The following STK39 variants were observed in gnomAD, a reference collection of about 807,000 sequenced individuals.
STK39 encodes the protein serine/threonine kinase 39.
STK39 carries 20 observed loss-of-function variants against 77.8 expected under a neutral mutation model. The ratio of observed to expected loss-of-function variants is 0.26; its 90% CI spans 0.18 to 0.37. STK39 has a LOEUF of 0.37. Ranked by LOEUF, STK39 falls within the 10% of genes least tolerant of loss-of-function variation. The pLI is 1.00. For missense variants in STK39, 479 were observed against 656.5 expected (o/e 0.73, Z 2.95); for synonymous variants, 246 against 234.1 (o/e 1.05, Z -0.47).
At chr2:168,033,335 A>G (rs1419976289) in intron 14 of STK39, among the ~76,000 whole-genome samples, 1 of 152,182 alleles carries the variant, frequency 6.6e-6, no homozygotes. Context: ...ATATCGCATT[A>G]GGACAAAATC....
At chr2:168,158,672 T>C (rs1688495826) in intron 5 of STK39, among the ~76,000 whole-genome samples, 1 of 152,214 alleles carries the variant, frequency 6.6e-6, no homozygotes, top group African/African-American at 2.4e-5. Flanking sequence ...ACACCGCTTA[T>C]TCTACGTGTG....
intron 16 of STK39, among the ~76,000 whole-genome samples, chr2:167,972,324 T>C (rs1354986330): frequency 6.6e-6 from 1 of 152,262 alleles, no homozygotes; most frequent in East Asian, 1.9e-4. Flanking sequence ...ATCTGGTGTA[T>C]TTTGTGTGTC....
intron 1 of STK39, among the ~76,000 whole-genome samples, chr2:168,228,086 A>G (rs1427167703): frequency 6.6e-6 from 1 of 152,244 alleles, no homozygotes; most frequent in South Asian, 2.1e-4. Context: ...AGACATTAAG[A>G]GTAGATTGTA....
chr2:168,212,220 GT>G (rs1283235794), intron 1 of STK39, among the ~76,000 whole-genome samples: 2 of 152,190 alleles, frequency 1.3e-5, no homozygotes, highest in African/African-American at 2.4e-5. Context: ...TGAATACCTT[GT>G]GCTTAACAAA....
At chr2:168,049,085 G>A (rs1036195264) in intron 14 of STK39, among the ~76,000 whole-genome samples, 3 of 152,172 alleles carry the variant, frequency 2.0e-5, no homozygotes, top group Non-Finnish European at 2.9e-5. Context: ...CCAGATGCTC[G>A]TTGGATTGTC....
intron 14 of STK39, among the ~76,000 whole-genome samples, chr2:168,032,580 A>G (rs1337425765): frequency 6.6e-6 from 1 of 152,214 alleles, no homozygotes; most frequent in African/African-American, 2.4e-5. Context: ...TTGAGTAAAA[A>G]TTTAATAAAG....
intron 1 of STK39, among the ~76,000 whole-genome samples, chr2:168,210,678 C>A (rs1689867555): frequency 6.6e-6 from 1 of 152,186 alleles, no homozygotes; most frequent in Admixed American, 6.5e-5. Context: ...TGCCACCACA[C>A]CCGGCTAATT....
At chr2:168,097,196 C>T (rs1208283661) in intron 10 of STK39, among the ~76,000 whole-genome samples, 2 of 152,232 alleles carry the variant, frequency 1.3e-5, no homozygotes, top group Non-Finnish European at 2.9e-5. Flanking sequence ...TTTTTAGTCA[C>T]TCAAATCCTT....
chr2:168,089,256 T>C (rs985705899), intron 10 of STK39, among the ~76,000 whole-genome samples: 10 of 152,194 alleles, frequency 6.6e-5, no homozygotes, highest in Non-Finnish European at 1.5e-4. Context: ...AAAGCAACAT[T>C]CTCCCTGCCT....
chr2:167,957,073 C>G (rs2105513786), intron 17 of STK39, among the ~76,000 whole-genome samples: 1 of 151,906 alleles, frequency 6.6e-6, no homozygotes, highest in South Asian at 2.1e-4. Flanking sequence ...AAAAACAGTA[C>G]AGAAAACCAG....
At chr2:168,131,726 T>TA (rs1687702380) in intron 8 of STK39, among the ~76,000 whole-genome samples, 1 of 152,194 alleles carries the variant, frequency 6.6e-6, no homozygotes, top group Admixed American at 6.5e-5. Flanking sequence ...AAACAACAGG[T>TA]AGGCCATGAA....
At chr2:167,984,532 C>G (rs1683507999) in intron 16 of STK39, among the ~76,000 whole-genome samples, 1 of 152,166 alleles carries the variant, frequency 6.6e-6, no homozygotes, top group South Asian at 2.1e-4. Flanking sequence ...GATGAGGATG[C>G]TGGTAGAGGC....
At chr2:168,124,972 G>A (rs1290457853) in intron 10 of STK39, among the ~76,000 whole-genome samples, 3 of 152,056 alleles carry the variant, frequency 2.0e-5, no homozygotes, top group Non-Finnish European at 4.4e-5. Flanking sequence ...GGGGTCTGTA[G>A]GGGGGTGGGG....
At chr2:168,205,777 C>T (rs180670930) in intron 1 of STK39, among the ~76,000 whole-genome samples, 6 of 152,160 alleles carry the variant, frequency 3.9e-5, no homozygotes, top group Non-Finnish European at 8.8e-5. Context: ...CATGATGGTA[C>T]ACTCCAACCT....
intron 10 of STK39, among the ~76,000 whole-genome samples, chr2:168,085,081 C>T (rs1686331141): frequency 6.6e-6 from 1 of 152,132 alleles, no homozygotes; most frequent in Non-Finnish European, 1.5e-5. Flanking sequence ...CACAGAAAAC[C>T]CACTACCTTT....
At chr2:168,208,796 C>T (rs1054954330) in intron 1 of STK39, among the ~76,000 whole-genome samples, 2 of 152,228 alleles carry the variant, frequency 1.3e-5, no homozygotes, top group African/African-American at 2.4e-5. Flanking sequence ...GCAGTGCTCC[C>T]ATGACTCTTC....
chr2:168,193,462 A>G (rs1032293155), intron 1 of STK39, among the ~76,000 whole-genome samples: 1 of 152,242 alleles, frequency 6.6e-6, no homozygotes, highest in Non-Finnish European at 1.5e-5. Context: ...GGGGGCCCTG[A>G]GAACATCATT....
intron 2 of STK39, among the ~76,000 whole-genome samples, chr2:168,174,296 T>A (rs1405406376): frequency 6.6e-6 from 1 of 152,170 alleles, no homozygotes; most frequent in Non-Finnish European, 1.5e-5. Flanking sequence ...GAAATCCCGA[T>A]GGGCAAACGT....
At chr2:168,010,295 C>A (rs1218617590) in intron 16 of STK39, among the ~76,000 whole-genome samples, 1 of 152,138 alleles carries the variant, frequency 6.6e-6, no homozygotes, top group Non-Finnish European at 1.5e-5. Flanking sequence ...ATTAACTGTT[C>A]TATTTCTTCT....
Sources: gnomAD v4.1 joint callset for allele counts (sites outside exome capture counted in the v4.1 genomes callset) on GRCh38, gnomAD v4.1.1 for gene constraint, MANE v1.5 for transcripts, NCBI Gene and HGNC (gene_info 2026-07-23, HGNC 2026-07-21) for gene names.